The following C16orf74 variants were observed in gnomAD, a reference collection of about 807,000 sequenced individuals.
C16orf74 encodes the protein calcimembrin.
A neutral mutation model predicts 6.5 loss-of-function variants in C16orf74; 10 were observed. The ratio of observed to expected loss-of-function variants is 1.54; its 90% CI spans 0.95 to 2.61. The LOEUF (loss-of-function observed/expected upper bound fraction) is 2.61. Ranked by LOEUF, C16orf74 falls within the 30% of genes most tolerant of loss-of-function variation. The pLI is 0.00. For synonymous variants in C16orf74, 60 were observed against 42.5 expected (o/e 1.41, Z -1.60); for missense variants, 141 against 105.9 (o/e 1.33, Z -1.45).
intron 2 of C16orf74, among the ~76,000 whole-genome samples, chr16:85,731,513 G>A (rs1280890754): frequency 3.9e-5 from 6 of 152,176 alleles, no homozygotes; most frequent in African/African-American, 1.4e-4. Flanking sequence ...GAGGGGCAGA[G>A]GGCCTGGGTC....
At chr16:85,737,108 G>C (rs112198019) in intron 1 of C16orf74, among the ~76,000 whole-genome samples, 2 of 152,288 alleles carry the variant, frequency 1.3e-5, no homozygotes, top group African/African-American at 4.8e-5. Context: ...AGCGAGAACT[G>C]AGTGTGGGGA....
intron 2 of C16orf74, among the ~76,000 whole-genome samples, chr16:85,733,287 C>T (rs374999229): frequency 9.2e-5 from 14 of 152,320 alleles, no homozygotes; most frequent in East Asian, 3.9e-4. Flanking sequence ...CACTGAGTGA[C>T]GGAGACCAGA....
At chr16:85,710,459 G>C in intron 2 of C16orf74, 152 bp from the exon 3 acceptor site, 2 of 612,270 alleles carry the variant, frequency 3.3e-6, no homozygotes, top group Non-Finnish European at 5.2e-6. Flanking sequence ...CCGCATCACA[G>C]ATGAAAACCG....
At chr16:85,741,109 A>C (rs1447591177) in intron 1 of C16orf74, among the ~76,000 whole-genome samples, 6 of 152,232 alleles carry the variant, frequency 3.9e-5, no homozygotes, top group Non-Finnish European at 2.9e-5. Flanking sequence ...GAGACAGGGC[A>C]GCTCAGTGAG....
chr16:85,735,966 G>A (rs60360665), intron 1 of C16orf74, among the ~76,000 whole-genome samples: 2,543 of 152,272 alleles, frequency 0.017, 69 homozygotes, highest in African/African-American at 0.059. Context: ...GGCTCAGAGA[G>A]GTGGCGGCAC....
At chr16:85,727,937 G>C (rs1437394833) in intron 2 of C16orf74, among the ~76,000 whole-genome samples, 1 of 133,938 alleles carries the variant, frequency 7.5e-6, no homozygotes, top group Non-Finnish European at 1.5e-5. Flanking sequence ...AGACTAGCCC[G>C]AGCAACAAAG....
At chr16:85,718,173 G>A (rs915274169) in intron 2 of C16orf74, among the ~76,000 whole-genome samples, 1 of 152,170 alleles carries the variant, frequency 6.6e-6, no homozygotes, top group African/African-American at 2.4e-5. Flanking sequence ...TGGCTCAAGC[G>A]ATTCTCCCAT....
chr16:85,732,973 G>A (rs1166907161), intron 2 of C16orf74, among the ~76,000 whole-genome samples: 1 of 152,218 alleles, frequency 6.6e-6, no homozygotes, highest in South Asian at 2.1e-4. Flanking sequence ...GGGGCCGAGG[G>A]TGGGTGGAGG....
Position 85,707,992 on chromosome 16 carries a change from A to G in C16orf74, c.*16T>C. 1 of 1,551,232 alleles carries G rather than the reference A, an allele frequency of 6.4e-7. No individual in the cohort carries two copies. The highest frequency in any genetic ancestry group is 1.4e-5 in the African/African-American group (1 of 73,150). Reference sequence around the variant, plus strand: ...CGCTGGAGCAGGAGCCAGCCAGCCAAACCCAGGACACCTCCTCAGGCTTCT... The same window carrying G: ...CGCTGGAGCAGGAGCCAGCCAGCCAGACCCAGGACACCTCCTCAGGCTTCT... On this transcript the variant is annotated 3_prime_UTR_variant, in exon 4 of 4. Coordinates refer to ENST00000284245, the MANE Select transcript of C16orf74 (RefSeq NM_206967.3).
At chr16:85,721,321 C>T (rs1304062892) in intron 2 of C16orf74, among the ~76,000 whole-genome samples, 1 of 151,354 alleles carries the variant, frequency 6.6e-6, no homozygotes, top group African/African-American at 2.4e-5. Context: ...TGGTCATTCT[C>T]TGCGGTGGGG....
At chr16:85,735,696 C>T (rs1269772285) in intron 1 of C16orf74, among the ~76,000 whole-genome samples, 4 of 140,566 alleles carry the variant, frequency 2.8e-5, no homozygotes, top group South Asian at 2.2e-4. Context: ...TTTTTTTTTT[C>T]CCCTAATGCA....
At chr16:85,740,611 G>A (rs1485449637) in intron 1 of C16orf74, among the ~76,000 whole-genome samples, 2 of 151,530 alleles carry the variant, frequency 1.3e-5, no homozygotes, top group Non-Finnish European at 2.9e-5. Context: ...AGAATGGCGT[G>A]AACCCGGGAG....
intron 1 of C16orf74, among the ~76,000 whole-genome samples, chr16:85,739,043 G>C (rs888776078): frequency 3.3e-5 from 5 of 152,228 alleles, no homozygotes; most frequent in Non-Finnish European, 2.9e-5. Flanking sequence ...CCAGGGGACA[G>C]AGCTTCCAGG....
intron 1 of C16orf74, chr16:85,743,794 C>T (rs934440943): frequency 2.0e-5 from 3 of 152,104 alleles, no homozygotes; most frequent in Admixed American, 2.0e-4. Flanking sequence ...TGGCTCACAT[C>T]TGTAATCCCA....
chr16:85,736,270 G>A (rs924851623), intron 1 of C16orf74, among the ~76,000 whole-genome samples: 1 of 152,126 alleles, frequency 6.6e-6, no homozygotes, highest in South Asian at 2.1e-4. Flanking sequence ...TGTGTGGCTA[G>A]TACCTGTGAG....
At chr16:85,708,088 C>T (rs1309094055) in intron 3 of C16orf74, 22 bp from the exon 4 acceptor site, 3 of 1,540,536 alleles carry the variant, frequency 1.9e-6, no homozygotes, top group Non-Finnish European at 2.6e-6. Flanking sequence ...AGGGGATGGA[C>T]ACCTGGATGC....
At chr16:85,726,778 C>G (rs76706469) in intron 2 of C16orf74, among the ~76,000 whole-genome samples, 7,125 of 152,304 alleles carry the variant, frequency 0.047, 223 homozygotes, top group East Asian at 0.11. Flanking sequence ...TCCACATTCC[C>G]TGCCTGGCTC....
chr16:85,715,326 C>T (rs1036303839), intron 2 of C16orf74, among the ~76,000 whole-genome samples: 205 of 152,256 alleles, frequency 1.3e-3, no homozygotes, highest in African/African-American at 4.6e-3. Context: ...CCGAGGCGTG[C>T]GCTCCTTCAG....
At chr16:85,723,292 G>A (rs1010688925) in intron 2 of C16orf74, among the ~76,000 whole-genome samples, 5 of 144,932 alleles carry the variant, frequency 3.4e-5, no homozygotes, top group Non-Finnish European at 1.5e-5. Context: ...GCCAGGTGCA[G>A]TGGCACATGC....
Sources: gnomAD v4.1 joint callset for allele counts (sites outside exome capture counted in the v4.1 genomes callset) on GRCh38, gnomAD v4.1.1 for gene constraint, MANE v1.5 for transcripts, NCBI Gene and HGNC (gene_info 2026-07-23, HGNC 2026-07-21) for gene names.